NBEA: variants seen among roughly 807,000 people sequenced by gnomAD.
The protein encoded by NBEA is neurobeachin.
A neutral mutation model predicts 343.4 loss-of-function variants in NBEA; 44 were observed. That is an observed-to-expected ratio of 0.13 (90% CI 0.10 to 0.16). NBEA has a LOEUF of 0.16. NBEA is among the 10% of genes least tolerant of loss of function. The pLI is 1.00. For missense variants in NBEA, 2,555 were observed against 3,631.3 expected (o/e 0.70, Z 7.62); for synonymous variants, 1,175 against 1,238.7 (o/e 0.95, Z 1.08).
intron 36 of NBEA, among the ~76,000 whole-genome samples, chr13:35,309,852 A>T (rs9600472): frequency 0.012 from 1,876 of 152,232 alleles, 33 homozygotes; most frequent in African/African-American, 0.043. Flanking sequence ...TGAGTAGTAA[A>T]GTTGTTTTAC....
chr13:35,020,057 G>GT (rs1593485843), intron 1 of NBEA, among the ~76,000 whole-genome samples: 1 of 151,894 alleles, frequency 6.6e-6, no homozygotes, highest in East Asian at 1.9e-4. Context: ...CTTATTTTGA[G>GT]TATAACATGC....
At position 35,300,777 on chromosome 13, in the gene NBEA, G is replaced by A. The variant is rs140562394; in HGVS notation, c.5839-8751G>A. 1.1e-3 allele frequency among the ~76,000 whole-genome samples: 173 copies of A among 152,192 alleles called. 1 individual carries two copies. The highest frequency in any genetic ancestry group is 3.4e-3 in the African/African-American group (143 of 41,528). On this transcript the variant is annotated intron_variant, in intron 35 of 58. Coordinates refer to ENST00000379939, the MANE Select transcript of NBEA (RefSeq NM_001385012.1). Reference sequence around the variant, plus strand: ...TAGGAGTCAGGCCTAAAAATTCATCGGTAGCTTAGGATAACCAATGGAGAA... The same window carrying A: ...TAGGAGTCAGGCCTAAAAATTCATCAGTAGCTTAGGATAACCAATGGAGAA...
intron 1 of NBEA, among the ~76,000 whole-genome samples, chr13:35,032,686 T>C (rs879735283): frequency 2.6e-5 from 4 of 151,734 alleles, no homozygotes; most frequent in Non-Finnish European, 5.9e-5. Flanking sequence ...GTCTTTTGAA[T>C]ATAAGACATT....
chr13:35,649,158 G>T (rs997978242), intron 51 of NBEA, among the ~76,000 whole-genome samples: 6 of 152,164 alleles, frequency 3.9e-5, no homozygotes, highest in Non-Finnish European at 2.9e-5. Context: ...GGAAGCGCTC[G>T]GCTGCTTTAT....
intron 10 of NBEA, among the ~76,000 whole-genome samples, chr13:35,092,431 A>G (rs73483952): frequency 0.1 from 15,942 of 151,998 alleles, 1,000 homozygotes; most frequent in African/African-American, 0.16. Flanking sequence ...GAAAAGACAC[A>G]GTACAGGCTG....
At chr13:35,543,480 T>C (rs1760719316) in intron 41 of NBEA, among the ~76,000 whole-genome samples, 1 of 152,166 alleles carries the variant, frequency 6.6e-6, no homozygotes, top group African/African-American at 2.4e-5. Flanking sequence ...ATCCAACTTC[T>C]CCTCTTTGAA....
intron 35 of NBEA, among the ~76,000 whole-genome samples, chr13:35,306,111 A>G (rs978697251): frequency 4.6e-5 from 7 of 152,176 alleles, no homozygotes; most frequent in Non-Finnish European, 1.0e-4. Flanking sequence ...ACTTTCTTCC[A>G]TCTTCTAGTT....
At chr13:35,594,327 A>G (rs1487945233) in intron 47 of NBEA, among the ~76,000 whole-genome samples, 4 of 152,116 alleles carry the variant, frequency 2.6e-5, no homozygotes. Context: ...TGTCATTCAC[A>G]TATTTATGCT....
chr13:34,946,761 A>G (rs2059197067), intron 1 of NBEA, among the ~76,000 whole-genome samples: 1 of 148,704 alleles, frequency 6.7e-6, no homozygotes, highest in Non-Finnish European at 1.5e-5. Flanking sequence ...GCCTAATAAG[A>G]TGCTTTGAAG....
chr13:35,544,031 A>T (rs939313219), intron 41 of NBEA, among the ~76,000 whole-genome samples: 1 of 152,170 alleles, frequency 6.6e-6, no homozygotes, highest in Admixed American at 6.5e-5. Flanking sequence ...CTTTTGAACT[A>T]TTCTTCTTGA....
intron 34 of NBEA, among the ~76,000 whole-genome samples, chr13:35,264,935 A>G (rs2033545049): frequency 6.6e-6 from 1 of 151,958 alleles, no homozygotes; most frequent in African/African-American, 2.4e-5. Flanking sequence ...ATGAGAAAAA[A>G]AAAATGTTAA....
rs2059067938 is a variant in NBEA at position 34,942,775 on chromosome 13, C to G, written c.-46C>G. 3.8e-6 allele frequency: 5 copies of G among 1,299,722 alleles called. No individual in the cohort carries two copies. 80.5% of individuals were successfully genotyped at this position (1,299,722 alleles called of 1,614,324 possible). A position where few individuals can be genotyped will look rare whatever the true frequency, so the allele number is the denominator to read the frequency against. The stretch of plus-strand genomic sequence containing the variant: ...GCCGAGGCAGGTATAACGGTACCGG[C>G]GGCGGCAGCGCCGCTGCTCTTCCCT... On this transcript the variant is annotated 5_prime_UTR_variant, in exon 1 of 59. Transcript: ENST00000379939.
At chr13:35,285,931 T>C (rs1305121123) in intron 34 of NBEA, among the ~76,000 whole-genome samples, 1 of 152,176 alleles carries the variant, frequency 6.6e-6, no homozygotes, top group African/African-American at 2.4e-5. Flanking sequence ...TCCACTTTGC[T>C]GACGATTGCA....
intron 38 of NBEA, among the ~76,000 whole-genome samples, chr13:35,380,189 A>T (rs1004348361): frequency 6.6e-6 from 1 of 150,512 alleles, no homozygotes; most frequent in Non-Finnish European, 1.5e-5. Context: ...TCACACCTGT[A>T]ATCCCAGCAC....
chr13:35,484,288 A>C (rs1218175029), intron 41 of NBEA, among the ~76,000 whole-genome samples: 1 of 148,330 alleles, frequency 6.7e-6, no homozygotes, highest in Admixed American at 6.8e-5. Context: ...ATATATATAT[A>C]TATATGTAGA....
chr13:35,117,747 T>A (rs879411703), intron 14 of NBEA, among the ~76,000 whole-genome samples: 2 of 151,996 alleles, frequency 1.3e-5, no homozygotes, highest in Non-Finnish European at 2.9e-5. Flanking sequence ...CTTATTCTTA[T>A]AGTAATTGAC....
At chr13:35,003,712 T>A (rs2061223120) in intron 1 of NBEA, among the ~76,000 whole-genome samples, 1 of 152,232 alleles carries the variant, frequency 6.6e-6, no homozygotes, top group African/African-American at 2.4e-5. Flanking sequence ...ATATACATTT[T>A]ATTTCTTAAC....
At chr13:35,641,019 A>G (rs898300773) in intron 49 of NBEA, among the ~76,000 whole-genome samples, 1 of 151,920 alleles carries the variant, frequency 6.6e-6, no homozygotes, top group Non-Finnish European at 1.5e-5. Context: ...AATCCATATA[A>G]CAATTAAAAT....
At chr13:35,563,214 C>G (rs2079967399) in intron 44 of NBEA, among the ~76,000 whole-genome samples, 1 of 151,632 alleles carries the variant, frequency 6.6e-6, no homozygotes, top group Non-Finnish European at 1.5e-5. Context: ...TTACTTACCA[C>G]TGCTGGAAAA....
Sources: gnomAD v4.1 joint callset for allele counts (sites outside exome capture counted in the v4.1 genomes callset) on GRCh38, gnomAD v4.1.1 for gene constraint, MANE v1.5 for transcripts, NCBI Gene and HGNC (gene_info 2026-07-23, HGNC 2026-07-21) for gene names.